Variants in ANO6 observed in about 807,000 individuals in gnomAD.
ANO6 encodes anoctamin 6, also known as anoctamin-6.
A neutral mutation model predicts 117.5 loss-of-function variants in ANO6; 106 were observed. The ratio of observed to expected loss-of-function variants is 0.90; its 90% CI spans 0.77 to 1.06. The LOEUF (loss-of-function observed/expected upper bound fraction) is 1.06, where lower values mean the gene tolerates loss of function less well. Among genes scored for constraint, ANO6 ranks in the 50% least tolerant of loss-of-function variants. The probability of loss-of-function intolerance (pLI) is 0.00; values close to 1 mark genes in which losing one functional copy is unlikely to be tolerated. For missense variants in ANO6, 955 were observed against 1,121.1 expected (o/e 0.85, Z 2.12); for synonymous variants, 367 against 385.1 (o/e 0.95, Z 0.55).
intron 1 of ANO6, among the ~76,000 whole-genome samples, 160 bp from the exon 2 acceptor site, chr12:45,301,854 A>G (rs991462345): frequency 6.6e-6 from 1 of 152,188 alleles, no homozygotes; most frequent in African/African-American, 2.4e-5. Flanking sequence ...CAGCTGCTAC[A>G]TATTTTTTAA....
chr12:45,393,196 G>A (rs1021903074), intron 12 of ANO6, among the ~76,000 whole-genome samples: 2 of 152,190 alleles, frequency 1.3e-5, no homozygotes, highest in African/African-American at 4.8e-5. Context: ...ACTTTGTGTT[G>A]CATGCACAAG....
intron 18 of ANO6, 76 bp from the exon 19 acceptor site, chr12:45,422,881 T>A: frequency 6.7e-6 from 8 of 1,186,386 alleles, no homozygotes; most frequent in Non-Finnish European, 1.0e-5. Flanking sequence ...GCATGACCTC[T>A]TTTTAAATGG....
chr12:45,377,959 C>A (rs143152217), intron 9 of ANO6, 94 bp from the exon 10 acceptor site: 1 of 1,250,244 alleles, frequency 8.0e-7, no homozygotes, highest in Non-Finnish European at 1.2e-6. Flanking sequence ...TTGAAAAGAA[C>A]TTCAAGACTG....
chr12:45,291,499 G>A (rs1773060014), intron 1 of ANO6, among the ~76,000 whole-genome samples: 1 of 151,632 alleles, frequency 6.6e-6, no homozygotes, highest in Admixed American at 6.6e-5. Context: ...GTGCATCAAG[G>A]GATATTAAAA....
rs145849667 is a variant in ANO6 at position 45,233,563 on chromosome 12, T to C, written c.70+17172T>C. On this transcript the variant is annotated intron_variant, in intron 1 of 19. Coordinates refer to ENST00000320560, the MANE Select transcript of ANO6 (RefSeq NM_001025356.3). ...CCATTGAGATCAAGTATAAGAAATATTAACATTATCTTTTGCCTGTGCTCT... is the reference window on the plus strand; with the variant it reads ...CCATTGAGATCAAGTATAAGAAATACTAACATTATCTTTTGCCTGTGCTCT... Among the ~76,000 whole-genome samples the C allele has an allele frequency of 3.4e-3, 514 of 152,332 alleles. 3 individuals carry two copies. Among genetic ancestry groups the C allele is most frequent in the African/African-American group, 0.011 (466 of 41,584 alleles).
In ANO6 at chr12:45,321,931, A is replaced by G. The variant is rs79588863; in HGVS notation, c.151-9364A>G. On this transcript the variant is annotated intron_variant, in intron 2 of 19. Transcript: ENST00000320560. The stretch of plus-strand genomic sequence containing the variant: ...AGTACTTATTACTGCGCCATCAAGA[A>G]CATTCTTAAGGGAAGTGACAACTTG... Among the ~76,000 whole-genome samples, 514 of 152,242 alleles carry G rather than the reference A, an allele frequency of 3.4e-3. 4 individuals are homozygous for G. The highest frequency in any genetic ancestry group is 0.012 in the African/African-American group (484 of 41,564).
At chr12:45,403,826 C>G (rs927553437) in intron 15 of ANO6, among the ~76,000 whole-genome samples, 5 of 152,238 alleles carry the variant, frequency 3.3e-5, no homozygotes, top group African/African-American at 1.2e-4. Flanking sequence ...TAATCACAAC[C>G]CTTTGAGCGA....
At chr12:45,297,540 A>G (rs549517647) in intron 1 of ANO6, among the ~76,000 whole-genome samples, 6 of 152,168 alleles carry the variant, frequency 3.9e-5, no homozygotes, top group Non-Finnish European at 8.8e-5. Flanking sequence ...ATTGGTAGAC[A>G]AGTAATCATG....
chr12:45,269,044 A>G (rs1938308668), intron 1 of ANO6, among the ~76,000 whole-genome samples: 1 of 152,170 alleles, frequency 6.6e-6, no homozygotes, highest in Admixed American at 6.5e-5. Flanking sequence ...CCTCCAAGCT[A>G]ACAGCGGCAG....
intron 4 of ANO6, among the ~76,000 whole-genome samples, 173 bp from the exon 5 acceptor site, chr12:45,347,855 T>G (rs776372268): frequency 6.6e-6 from 1 of 152,228 alleles, no homozygotes; most frequent in Non-Finnish European, 1.5e-5. Flanking sequence ...AAATCGTCTT[T>G]AAGACAAAAA....
chr12:45,421,016 T>C (rs559829523), intron 17 of ANO6, 55 bp from the exon 18 acceptor site: 2 of 1,588,438 alleles, frequency 1.3e-6, no homozygotes, highest in Non-Finnish European at 1.7e-6. Flanking sequence ...CGAGACTCCG[T>C]CTCAAAAACA....
intron 10 of ANO6, among the ~76,000 whole-genome samples, chr12:45,382,069 T>C (rs1942183116): frequency 6.6e-6 from 1 of 152,140 alleles, no homozygotes. Context: ...GTTCTGCCAA[T>C]AATTTGGCTA....
chr12:45,376,380 C>T (rs1193377115), intron 9 of ANO6, among the ~76,000 whole-genome samples: 5 of 135,178 alleles, frequency 3.7e-5, no homozygotes, highest in Non-Finnish European at 7.7e-5. Flanking sequence ...ATAAATCATG[C>T]TGCTATAAAG....
chr12:45,243,474 A>G (rs1439487270), intron 1 of ANO6, among the ~76,000 whole-genome samples: 2 of 152,090 alleles, frequency 1.3e-5, no homozygotes, highest in Admixed American at 6.5e-5. Context: ...TAATTTTTCT[A>G]TATGTCTTTC....
At chr12:45,232,605 A>T (rs1397100608) in intron 1 of ANO6, among the ~76,000 whole-genome samples, 1 of 152,226 alleles carries the variant, frequency 6.6e-6, no homozygotes, top group Non-Finnish European at 1.5e-5. Context: ...TGTACATTAG[A>T]TTACTGCGTA....
chr12:45,302,842 A>G (rs907572220), intron 2 of ANO6, among the ~76,000 whole-genome samples: 1 of 152,196 alleles, frequency 6.6e-6, no homozygotes, highest in Non-Finnish European at 1.5e-5. Flanking sequence ...TAGGAAAAAC[A>G]TGCCAGGATC....
At chr12:45,337,137 T>TA (rs1308060321) in intron 3 of ANO6, among the ~76,000 whole-genome samples, 6 of 152,128 alleles carry the variant, frequency 3.9e-5, no homozygotes, top group Non-Finnish European at 7.4e-5. Flanking sequence ...AGCAGTGTTA[T>TA]AAAGTCTGCA....
At chr12:45,334,840 C>T (rs1396997581) in intron 3 of ANO6, among the ~76,000 whole-genome samples, 1 of 152,026 alleles carries the variant, frequency 6.6e-6, no homozygotes, top group Non-Finnish European at 1.5e-5. Context: ...ATATATTTCT[C>T]CAACTCCTCT....
intron 1 of ANO6, among the ~76,000 whole-genome samples, chr12:45,279,617 G>A (rs1734067257): frequency 1.3e-5 from 2 of 152,320 alleles, no homozygotes; most frequent in South Asian, 4.1e-4. Flanking sequence ...GGGCGAGTAC[G>A]TGGAAAGCCC....
Sources: allele counts gnomAD v4.1 joint callset (sites outside exome capture counted in the v4.1 genomes callset), GRCh38; gene constraint gnomAD v4.1.1; transcripts MANE v1.5; gene names NCBI Gene and HGNC (gene_info 2026-07-23, HGNC 2026-07-21).